PPM1E: variants seen among roughly 807,000 people sequenced by gnomAD.
The protein encoded by PPM1E is protein phosphatase 1E.
A neutral mutation model predicts 65.9 loss-of-function variants in PPM1E; 20 were observed. The observed-to-expected ratio is 0.30, with a 90% CI of 0.21 to 0.44. PPM1E has a LOEUF of 0.44. Among genes scored for constraint, PPM1E ranks in the 20% least tolerant of loss-of-function variants. The pLI is 1.00. For missense variants in PPM1E, 713 were observed against 953.1 expected (o/e 0.75, Z 3.32); for synonymous variants, 352 against 374.9 (o/e 0.94, Z 0.70).
At chr17:58,838,930 A>G (rs932925346) in intron 1 of PPM1E, among the ~76,000 whole-genome samples, 3 of 152,234 alleles carry the variant, frequency 2.0e-5, no homozygotes, top group Admixed American at 2.0e-4. Flanking sequence ...AAAAACCTAT[A>G]TACTGTAACA....
intron 1 of PPM1E, among the ~76,000 whole-genome samples, chr17:58,800,913 C>T (rs1333932890): frequency 6.6e-6 from 1 of 151,930 alleles, no homozygotes; most frequent in Non-Finnish European, 1.5e-5. Flanking sequence ...CTGTTTTTTG[C>T]CTGATTTCTA....
intron 1 of PPM1E, 61 bp from the exon 2 acceptor site, chr17:58,955,588 G>A (rs761668075): frequency 2.8e-5 from 43 of 1,546,178 alleles, no homozygotes; most frequent in East Asian, 1.3e-4. Flanking sequence ...TTATTATAAC[G>A]TTAAATGTAT....
intron 1 of PPM1E, among the ~76,000 whole-genome samples, chr17:58,784,179 C>T (rs2050075988): frequency 6.6e-6 from 1 of 151,968 alleles, no homozygotes; most frequent in African/African-American, 2.4e-5. Flanking sequence ...CGCACCACCA[C>T]ACCCAGCTAA....
At chr17:58,769,026 G>GA (rs973506779) in intron 1 of PPM1E, among the ~76,000 whole-genome samples, 82 of 151,646 alleles carry the variant, frequency 5.4e-4, no homozygotes, top group African/African-American at 1.9e-3. Context: ...ACAATAGACT[G>GA]AAAAAAATAG....
At chr17:58,795,320 T>C (rs1188716472) in intron 1 of PPM1E, among the ~76,000 whole-genome samples, 2 of 152,228 alleles carry the variant, frequency 1.3e-5, no homozygotes, top group Admixed American at 1.3e-4. Flanking sequence ...TCACAATGGG[T>C]GAATTCACTT....
Position 58,980,397 on chromosome 17 carries a change from G to T in PPM1E, c.1634G>T (p.Arg545Leu). 2 of 1,614,132 alleles carry T rather than the reference G, an allele frequency of 1.2e-6. No homozygotes were observed. The highest frequency in any genetic ancestry group is 1.7e-6 in the Non-Finnish European group (2 of 1,180,018). ...CCAGCCGACCTAGGCTATGATGGGC[G>T]TGTGGATTCATTCACTGATAGAACT... ...SAPADLGYDG[R>L]VDSFTDRTSL... Residue 545 changes from arginine (R) to leucine (L), a missense_variant, in exon 7 of 7, where the codon CGT becomes CTT. Coordinates refer to ENST00000308249, the MANE Select transcript of PPM1E (RefSeq NM_014906.5). The surrounding 1 kb of genome is among the most constrained non-coding windows in gnomAD (Gnocchi z 4.7).
intron 1 of PPM1E, among the ~76,000 whole-genome samples, chr17:58,862,932 A>T (rs1238221115): frequency 1.3e-5 from 2 of 152,144 alleles, no homozygotes; most frequent in Non-Finnish European, 2.9e-5. Flanking sequence ...AGCTAATTTT[A>T]TGTCAAAATC....
At chr17:58,879,996 C>T (rs36093395) in intron 1 of PPM1E, among the ~76,000 whole-genome samples, 27,991 of 151,994 alleles carry the variant, frequency 0.18, 2,736 homozygotes, top group Non-Finnish European at 0.21. Flanking sequence ...AAATTTCACA[C>T]GGCATGGGAG....
intron 1 of PPM1E, among the ~76,000 whole-genome samples, chr17:58,797,044 G>A (rs1045962127): frequency 6.6e-6 from 1 of 152,138 alleles, no homozygotes; most frequent in Non-Finnish European, 1.5e-5. Context: ...TGAGGCAGAG[G>A]TTGCAGTGAG....
intron 1 of PPM1E, among the ~76,000 whole-genome samples, chr17:58,857,986 A>G (rs1367692451): frequency 1.3e-5 from 2 of 152,106 alleles, no homozygotes; most frequent in Non-Finnish European, 2.9e-5. Flanking sequence ...TTTCTCAGGC[A>G]TATAAACAAT....
At chr17:58,821,123 T>A (rs534550572) in intron 1 of PPM1E, among the ~76,000 whole-genome samples, 2 of 152,082 alleles carry the variant, frequency 1.3e-5, no homozygotes, top group Non-Finnish European at 2.9e-5. Flanking sequence ...TTGTTTTTGG[T>A]TTTTGGAGAT....
Position 58,814,904 on chromosome 17 carries a change from G to A in PPM1E, c.464+58443G>A, listed in dbSNP as rs115267747. Among the ~76,000 whole-genome samples, 685 of 152,306 alleles carry A rather than the reference G, an allele frequency of 4.5e-3. 3 individuals carry two copies. Among genetic ancestry groups the A allele is most frequent in the African/African-American group, 0.016 (649 of 41,558 alleles). On this transcript the variant is annotated intron_variant, in intron 1 of 6. Transcript: ENST00000308249. ...GACTACATAGGCCAGGATGTGAATG[G>A]TGAACCCTTTAGTTGTGCAATTCTG...
At chr17:58,882,427 G>C (rs748057519) in intron 1 of PPM1E, among the ~76,000 whole-genome samples, 2 of 151,442 alleles carry the variant, frequency 1.3e-5, no homozygotes, top group Admixed American at 1.3e-4. Flanking sequence ...TTTTGCTCTT[G>C]TCACCCAGGC....
chr17:58,872,560 A>T (rs766266081), intron 1 of PPM1E, among the ~76,000 whole-genome samples: 2 of 152,216 alleles, frequency 1.3e-5, no homozygotes, highest in Non-Finnish European at 2.9e-5. Flanking sequence ...ATGATAAAAT[A>T]TAGGGTTTAT....
At chr17:58,832,303 G>C (rs2050613588) in intron 1 of PPM1E, among the ~76,000 whole-genome samples, 2 of 152,000 alleles carry the variant, frequency 1.3e-5, no homozygotes, top group Admixed American at 6.6e-5. Flanking sequence ...AATACTCCAG[G>C]TAGAATCTAA....
Position 58,850,661 on chromosome 17 carries a change from G to T in PPM1E, c.464+94200G>T, listed in dbSNP as rs553124946. 2.6e-5 allele frequency among the ~76,000 whole-genome samples: 4 copies of T among 152,232 alleles called. No individual in the cohort carries two copies. In the East Asian group the frequency reaches 7.7e-4, roughly 29 times the overall value. ...CAAGAGATCCGCTATTAGTCTGATG[G>T]GCTTCCCTTTGTGAGTAACCCAACC... On this transcript the variant is annotated intron_variant, in intron 1 of 6. Transcript: ENST00000308249.
At chr17:58,778,451 A>G (rs1390768990) in intron 1 of PPM1E, among the ~76,000 whole-genome samples, 1 of 119,858 alleles carries the variant, frequency 8.3e-6, no homozygotes, top group African/African-American at 3.3e-5. Flanking sequence ...TTTGTTTCCC[A>G]GCCTGGAGAG....
intron 1 of PPM1E, among the ~76,000 whole-genome samples, chr17:58,786,649 A>T (rs921338553): frequency 3.3e-5 from 5 of 152,170 alleles, no homozygotes; most frequent in African/African-American, 1.2e-4. Flanking sequence ...TTTTCCATTA[A>T]ATATTTTTGG....
intron 6 of PPM1E, among the ~76,000 whole-genome samples, chr17:58,974,896 A>G (rs1001003139): frequency 1.3e-5 from 2 of 152,098 alleles, no homozygotes; most frequent in Admixed American, 1.3e-4. Flanking sequence ...GTCTACAAAT[A>G]CCTCCTGAAA....
Sources: allele counts gnomAD v4.1 joint callset (sites outside exome capture counted in the v4.1 genomes callset), GRCh38; gene constraint gnomAD v4.1.1; non-coding constraint Gnocchi (gnomAD v3.1); transcripts MANE v1.5; gene names NCBI Gene and HGNC (gene_info 2026-07-23, HGNC 2026-07-21).